SHISA9: variants seen among roughly 807,000 people sequenced by gnomAD.
The protein encoded by SHISA9 is protein shisa-9.
SHISA9 carries 13 observed loss-of-function variants against 38.0 expected under a neutral mutation model. The ratio of observed to expected loss-of-function variants is 0.34; its 90% CI spans 0.22 to 0.54. The LOEUF (loss-of-function observed/expected upper bound fraction) is 0.54. Among genes scored for constraint, SHISA9 ranks in the 20% least tolerant of loss-of-function variants. SHISA9 has a pLI of 0.91. For synonymous variants in SHISA9, 275 were observed against 242.0 expected (o/e 1.14, Z -1.27); for missense variants, 538 against 575.8 (o/e 0.93, Z 0.67).
chr16:12,961,065 T>TGGTCAGG (rs1336557934), intron 2 of SHISA9, among the ~76,000 whole-genome samples: 2 of 151,840 alleles, frequency 1.3e-5, no homozygotes, highest in African/African-American at 2.4e-5. Context: ...TGAGGGAATT[T>TGGTCAGG]GGTCAGGGGT....
chr16:13,181,264 ATTTT>A (rs1567237618), intron 2 of SHISA9, among the ~76,000 whole-genome samples: 1 of 115,712 alleles, frequency 8.6e-6, no homozygotes, highest in Non-Finnish European at 1.8e-5. Flanking sequence ...CTAAAATAAA[ATTTT>A]ATATATATAT....
chr16:13,161,802 G>GT (rs1020425221), intron 2 of SHISA9, among the ~76,000 whole-genome samples: 58 of 151,012 alleles, frequency 3.8e-4, no homozygotes, highest in Non-Finnish European at 7.7e-4. Flanking sequence ...AAAAACCCTC[G>GT]TTTTTTTTTC....
the SHISA9 span, among the ~76,000 whole-genome samples, chr16:13,400,739 A>G: frequency 6.6e-6 from 1 of 152,192 alleles, no homozygotes; most frequent in African/African-American, 2.4e-5. Context: ...GTTTATGCGG[A>G]CAACCAGTTG....
At chr16:13,125,652 T>G (rs2050249924) in intron 2 of SHISA9, among the ~76,000 whole-genome samples, 1 of 152,230 alleles carries the variant, frequency 6.6e-6, no homozygotes, top group Non-Finnish European at 1.5e-5. Context: ...AATGAAATGT[T>G]AAGCCTCATA....
chr16:13,293,008 G>T, the SHISA9 span, among the ~76,000 whole-genome samples: 1 of 152,150 alleles, frequency 6.6e-6, no homozygotes, highest in Non-Finnish European at 1.5e-5. Flanking sequence ...TCAAGAACAA[G>T]ATGAAGCAAA....
chr16:12,954,043 CAG>C (rs1257648877), intron 2 of SHISA9, among the ~76,000 whole-genome samples: 2 of 152,138 alleles, frequency 1.3e-5, no homozygotes, highest in Non-Finnish European at 2.9e-5. Flanking sequence ...GGTGGAGACA[CAG>C]AGTCAAACCA....
At chr16:12,933,539 C>T (rs1231868420) in intron 2 of SHISA9, among the ~76,000 whole-genome samples, 1 of 152,154 alleles carries the variant, frequency 6.6e-6, no homozygotes, top group East Asian at 1.9e-4. Context: ...GCGATCTGCC[C>T]TCCTTGGCCT....
chr16:13,403,202 C>T, the SHISA9 span, among the ~76,000 whole-genome samples: 2 of 152,280 alleles, frequency 1.3e-5, no homozygotes, highest in South Asian at 4.1e-4. Flanking sequence ...AATACGGACC[C>T]ACAGTGTTCC....
downstream of SHISA9, among the ~76,000 whole-genome samples, chr16:13,241,950 TGTGAGGAG>T (rs2051438607): frequency 6.6e-6 from 1 of 152,188 alleles, no homozygotes; most frequent in South Asian, 2.1e-4. Context: ...ATTACACCTC[TGTGAGGAG>T]AGCCACACTA....
chr16:13,002,070 G>A (rs945762131), intron 2 of SHISA9, among the ~76,000 whole-genome samples: 1 of 152,202 alleles, frequency 6.6e-6, no homozygotes, highest in African/African-American at 2.4e-5. Context: ...CCTGGCATCA[G>A]TGTTTCATAA....
intron 2 of SHISA9, among the ~76,000 whole-genome samples, chr16:13,104,155 C>T (rs7185098): frequency 8.5e-5 from 13 of 152,190 alleles, no homozygotes; most frequent in African/African-American, 2.9e-4. Flanking sequence ...CTAAGGGGGC[C>T]AGGTTTACCA....
At chr16:12,916,884 T>G in intron 2 of SHISA9, 69 bp downstream of exon 2, 1 of 1,505,574 alleles carries the variant, frequency 6.6e-7, no homozygotes, top group Non-Finnish European at 8.9e-7. Flanking sequence ...ATTGCCAGAT[T>G]TCGTGGAGTG....
At chr16:13,035,880 A>G (rs539739476) in intron 2 of SHISA9, among the ~76,000 whole-genome samples, 2 of 152,304 alleles carry the variant, frequency 1.3e-5, no homozygotes, top group South Asian at 4.1e-4. Flanking sequence ...GAAGATATAT[A>G]TACGGTCAAT....
chr16:13,135,229 A>G (rs145231179), intron 2 of SHISA9, among the ~76,000 whole-genome samples: 105 of 152,360 alleles, frequency 6.9e-4, no homozygotes, highest in African/African-American at 2.4e-3. Flanking sequence ...CAAATGTATC[A>G]GCAGGTATGA....
At chr16:13,437,563 T>A in the SHISA9 span, among the ~76,000 whole-genome samples, 1 of 152,180 alleles carries the variant, frequency 6.6e-6, no homozygotes, top group Non-Finnish European at 1.5e-5. Context: ...AGGGCCCGTG[T>A]GTTTACCCTC....
At chr16:13,447,380 G>A in the SHISA9 span, among the ~76,000 whole-genome samples, 1 of 152,208 alleles carries the variant, frequency 6.6e-6, no homozygotes, top group Admixed American at 6.5e-5. Flanking sequence ...CCAAGGAGGT[G>A]GCAGGAACTC....
the SHISA9 span, among the ~76,000 whole-genome samples, chr16:13,419,208 G>A: frequency 6.6e-6 from 1 of 152,156 alleles, no homozygotes; most frequent in Admixed American, 6.5e-5. Flanking sequence ...GTAAGACAAT[G>A]TAACAGCTGT....
the SHISA9 span, among the ~76,000 whole-genome samples, chr16:13,407,415 A>T: frequency 6.6e-6 from 1 of 152,110 alleles, no homozygotes; most frequent in South Asian, 2.1e-4. Context: ...CGGTAATCTC[A>T]CTCATGGGGG....
chr16:13,180,839 T>C (rs2050770968), intron 2 of SHISA9, among the ~76,000 whole-genome samples: 1 of 152,126 alleles, frequency 6.6e-6, no homozygotes, highest in Non-Finnish European at 1.5e-5. Context: ...TCCCAGGAAA[T>C]TGATGTGGGG....
Sources: gnomAD v4.1 joint callset for allele counts (sites outside exome capture counted in the v4.1 genomes callset) on GRCh38, gnomAD v4.1.1 for gene constraint, MANE v1.5 for transcripts, NCBI Gene and HGNC (gene_info 2026-07-23, HGNC 2026-07-21) for gene names.